The following TBC1D23 variants were observed in gnomAD, a reference collection of about 807,000 sequenced individuals.
The protein encoded by TBC1D23 is TBC1 domain family member 23, also known as HCV non-structural protein 4A-transactivated protein 1.
Under a neutral mutation model 91.4 loss-of-function variants are expected in TBC1D23, and 55 were observed. The ratio of observed to expected loss-of-function variants is 0.60; its 90% confidence interval spans 0.48 to 0.75. The LOEUF (loss-of-function observed/expected upper bound fraction) is 0.75, where lower values mean the gene tolerates loss of function less well. Among genes scored for constraint, TBC1D23 ranks in the 30% least tolerant of loss-of-function variants. The pLI, the probability that TBC1D23 is intolerant of heterozygous loss-of-function variation, is 0.00. For missense variants in TBC1D23, 725 were observed against 836.1 expected, an observed-to-expected ratio of 0.87 and a Z score of 1.64; for synonymous variants, 289 against 281.0, an observed-to-expected ratio of 1.03 and a Z score of -0.28.
chr3:100,304,284 T>G (rs967822679), intron 11 of TBC1D23, among the ~76,000 whole-genome samples: 3 of 152,146 alleles, frequency 2.0e-5, no homozygotes, highest in Non-Finnish European at 4.4e-5. Flanking sequence ...GTGTTCAGAC[T>G]TCTTTGTTTA....
chr3:100,316,301 A>G (rs1217929332), intron 16 of TBC1D23, 114 bp downstream of exon 16: 1 of 743,016 alleles, frequency 1.3e-6, no homozygotes, highest in Non-Finnish European at 2.3e-6. Context: ...TTCTGTAGAA[A>G]TAATTGGAGA....
At chr3:100,301,291 A>AAT (rs34875708) in intron 10 of TBC1D23, among the ~76,000 whole-genome samples, 1 of 151,502 alleles carries the variant, frequency 6.6e-6, no homozygotes, top group Non-Finnish European at 1.5e-5. Flanking sequence ...AAAAAAAAAA[A>AAT]TGGTGGAACC....
At chr3:100,309,194 C>CAA (rs67060395) in intron 13 of TBC1D23, among the ~76,000 whole-genome samples, 37,839 of 152,046 alleles carry the variant, frequency 0.25, 5,050 homozygotes, top group East Asian at 0.49. Flanking sequence ...CAACAAAAAA[C>CAA]ACAAAAAAGA....
intron 2 of TBC1D23, among the ~76,000 whole-genome samples, chr3:100,280,298 T>C (rs1462128348): frequency 6.6e-6 from 1 of 151,604 alleles, no homozygotes; most frequent in African/African-American, 2.4e-5. Context: ...GTGAGTAAAA[T>C]AGGATGTATA....
chr3:100,291,802 T>C (rs2067793518), intron 5 of TBC1D23, among the ~76,000 whole-genome samples: 2 of 149,750 alleles, frequency 1.3e-5, no homozygotes, highest in South Asian at 2.1e-4. Context: ...TTTTCTTTTT[T>C]TTTTTTTTTG....
chr3:100,277,074 A>G (rs1404674604), intron 1 of TBC1D23, among the ~76,000 whole-genome samples: 3 of 152,138 alleles, frequency 2.0e-5, no homozygotes, highest in Admixed American at 2.0e-4. Flanking sequence ...CAGCCCACCC[A>G]CTCATACCAC....
In TBC1D23 at chr3:100,324,406, G is replaced by C. The variant is rs1705917736; in HGVS notation, c.*738G>C. The C allele has an allele frequency of 6.6e-6, 1 of 152,172 alleles. No homozygotes were observed. Among genetic ancestry groups the C allele is most frequent in the East Asian group, 1.9e-4 (1 of 5,204 alleles). The allele number at this position is 152,172 out of a possible 1,614,324, so 9.4% of individuals were successfully genotyped here. Reference sequence around the variant, plus strand: ...GATTAAAATTAACATTTTGGGGACAGAATTGTGTCTGTAAAAATGTCATTG... The same window carrying C: ...GATTAAAATTAACATTTTGGGGACACAATTGTGTCTGTAAAAATGTCATTG... On this transcript the variant is annotated 3_prime_UTR_variant, in exon 19 of 19. Coordinates refer to ENST00000394144, the MANE Select transcript of TBC1D23 (RefSeq NM_001199198.3).
rs780270172 is a variant in TBC1D23 at position 100,298,010 on chromosome 3, G to A, written c.964G>A (p.Val322Met). The change falls in exon 9 of 19, where the codon GTG (valine) becomes ATG (methionine). Residue 322 changes from valine (V) to methionine (M), a missense_variant. Val to Met is a conservative substitution (Grantham distance 21). Coordinates refer to ENST00000394144, the MANE Select transcript of TBC1D23 (RefSeq NM_001199198.3). ...TCAGGCTCTTTGTCTGGCCATCTCC[G>A]TGTCAGAGATCCTTCAAGCGAATCA... ...LSQALCLAIS[V>M]SEILQANQLQ... 1.2e-5 allele frequency: 20 copies of A among 1,613,302 alleles called. No homozygotes were observed. Among genetic ancestry groups the A allele is most frequent in the African/African-American group, 1.1e-4 (8 of 74,846 alleles).
intron 16 of TBC1D23, among the ~76,000 whole-genome samples, chr3:100,317,934 A>G (rs1262280798): frequency 8.4e-6 from 1 of 119,226 alleles, no homozygotes; most frequent in Non-Finnish European, 1.5e-5. Context: ...TACTTTTTAT[A>G]TACATTTATA....
chr3:100,261,103 C>T lies in TBC1D23; in HGVS notation c.53+32C>T, dbSNP rs372577547. On this transcript the variant is annotated intron_variant, in intron 1 of 18. Coordinates refer to ENST00000394144, the MANE Select transcript of TBC1D23 (RefSeq NM_001199198.3). ...GAAAGCCGGGGCTAATTTCCAATGC[C>T]CCTTTATTCTTCCTTCTCACCATCT... 11 of 1,600,360 alleles carry T rather than the reference C, an allele frequency of 6.9e-6. No homozygotes were observed. The African/African-American group carries it at 1.2e-4, about 18-fold the overall frequency.
At chr3:100,277,188 T>C (rs1017486766) in intron 1 of TBC1D23, among the ~76,000 whole-genome samples, 5 of 152,252 alleles carry the variant, frequency 3.3e-5, no homozygotes, top group African/African-American at 1.2e-4. Context: ...CTAAATGCTA[T>C]AGAATTCTTA....
chr3:100,277,423 G>T (rs2067657154), intron 1 of TBC1D23, among the ~76,000 whole-genome samples: 1 of 152,178 alleles, frequency 6.6e-6, no homozygotes. Context: ...TGGTTGTACT[G>T]CTGGAGAGCA....
intron 15 of TBC1D23, 70 bp from the exon 16 acceptor site, chr3:100,316,029 A>G: frequency 7.9e-7 from 1 of 1,268,350 alleles, no homozygotes; most frequent in Non-Finnish European, 1.2e-6. Flanking sequence ...GAATATTCAA[A>G]TGATGCTTGG....
intron 5 of TBC1D23, among the ~76,000 whole-genome samples, chr3:100,291,312 G>A (rs2067787870): frequency 6.6e-6 from 1 of 152,192 alleles, no homozygotes; most frequent in Non-Finnish European, 1.5e-5. Context: ...ACTAGGCGCA[G>A]TGGCTCACGC....
intron 10 of TBC1D23, among the ~76,000 whole-genome samples, chr3:100,299,673 C>T (rs949438801): frequency 6.6e-6 from 1 of 152,136 alleles, no homozygotes; most frequent in Non-Finnish European, 1.5e-5. Flanking sequence ...CCAGGCCCGG[C>T]TAATTTTTTG....
chr3:100,291,659 G>A (rs2067791507), intron 5 of TBC1D23, among the ~76,000 whole-genome samples: 1 of 151,458 alleles, frequency 6.6e-6, no homozygotes, highest in East Asian at 1.9e-4. Context: ...ATTACATGTT[G>A]ATATAAGTAG....
intron 1 of TBC1D23, among the ~76,000 whole-genome samples, chr3:100,275,390 T>C (rs1206370266): frequency 6.6e-6 from 1 of 152,130 alleles, no homozygotes; most frequent in Non-Finnish European, 1.5e-5. Flanking sequence ...TGAGCTCAAT[T>C]GATCCTCCTG....
intron 4 of TBC1D23, among the ~76,000 whole-genome samples, chr3:100,289,888 G>C (rs1181769552): frequency 6.6e-6 from 1 of 152,086 alleles, no homozygotes; most frequent in Admixed American, 6.5e-5. Context: ...TTCTACTTTT[G>C]AAGTCTCTGA....
At chr3:100,278,583 A>G (rs1490227763) in intron 1 of TBC1D23, among the ~76,000 whole-genome samples, 2 of 151,998 alleles carry the variant, frequency 1.3e-5, no homozygotes, top group African/African-American at 4.8e-5. Flanking sequence ...ACGGGGTTTC[A>G]CCATCTTGGC....
Sources: allele counts gnomAD v4.1 joint callset (sites outside exome capture counted in the v4.1 genomes callset), GRCh38; gene constraint gnomAD v4.1.1; transcripts MANE v1.5; gene names NCBI Gene and HGNC (gene_info 2026-07-23, HGNC 2026-07-21).